GJC1: variants seen among roughly 807,000 people sequenced by gnomAD.
The protein encoded by GJC1 is gap junction gamma-1 protein.
In GJC1, 5 loss-of-function variants were observed where a neutral mutation model predicts 29.3. The observed-to-expected ratio is 0.17, with a 90% CI of 0.09 to 0.36. The LOEUF is 0.36. GJC1 is among the 10% of genes least tolerant of loss of function. The pLI is 1.00. For synonymous variants in GJC1, 177 were observed against 183.3 expected, an observed-to-expected ratio of 0.97 and a Z score of 0.28; for missense variants, 310 against 496.2, an observed-to-expected ratio of 0.62 and a Z score of 3.56.
In GJC1 at chr17:44,804,703, A is replaced by T; in HGVS notation, c.1115T>A (p.Val372Glu). ...TTTGTTGGACCCAGCTTTGGACCCC[A>T]CTTTGGCCTTCTTCTCCCGGGGACC... ...PHGPREKKAKVGSKAGSNKST... is the reference protein window; with the variant it reads ...PHGPREKKAKEGSKAGSNKST... Residue 372 changes from valine (V) to glutamate (E), a missense_variant, in exon 3 of 3, where the codon GTG (valine) becomes GAG (glutamate). Transcript: ENST00000592524. 6.2e-7 allele frequency: 1 copy of T among 1,614,092 alleles called. No homozygotes were observed. The highest frequency in any genetic ancestry group is 8.5e-7 in the Non-Finnish European group (1 of 1,180,014).
At chr17:44,818,128 A>G (rs905362709) in intron 1 of GJC1, among the ~76,000 whole-genome samples, 2 of 151,174 alleles carry the variant, frequency 1.3e-5, no homozygotes, top group African/African-American at 4.9e-5. Flanking sequence ...CTGGAGAATC[A>G]CTTGAACCCA....
At chr17:44,809,337 T>C (rs2049947139) in intron 1 of GJC1, among the ~76,000 whole-genome samples, 1 of 152,184 alleles carries the variant, frequency 6.6e-6, no homozygotes, top group African/African-American at 2.4e-5. Context: ...TCATTGAATA[T>C]ACAAGTTATA....
intron 1 of GJC1, among the ~76,000 whole-genome samples, chr17:44,817,641 G>A (rs995631173): frequency 6.6e-6 from 1 of 151,274 alleles, no homozygotes; most frequent in Non-Finnish European, 1.5e-5. Context: ...ACTCAGGAGG[G>A]GGAGGTTGTG....
At chr17:44,822,966 T>C (rs1266305578) in intron 1 of GJC1, among the ~76,000 whole-genome samples, 2 of 152,142 alleles carry the variant, frequency 1.3e-5, no homozygotes, top group African/African-American at 4.8e-5. Flanking sequence ...CAATTAGGAA[T>C]TCCAAGTCCA....
chr17:44,813,146 G>A (rs1232775910), intron 1 of GJC1: 3 of 151,638 alleles, frequency 2.0e-5, no homozygotes, highest in African/African-American at 7.3e-5. Context: ...TCAGCTGACT[G>A]TAGCCTCCGT....
intron 1 of GJC1, among the ~76,000 whole-genome samples, chr17:44,823,783 C>T (rs2050139663): frequency 1.3e-5 from 2 of 151,450 alleles, no homozygotes; most frequent in Admixed American, 1.3e-4. Flanking sequence ...ACAATCTTAG[C>T]TCACTGCAAC....
At chr17:44,818,610 G>A (rs916880528) in intron 1 of GJC1, among the ~76,000 whole-genome samples, 68 of 150,874 alleles carry the variant, frequency 4.5e-4, no homozygotes, top group African/African-American at 1.6e-3. Context: ...AGACCAGCCT[G>A]GCCAACATGG....
At chr17:44,830,738 G>C, upstream of GJC1, 1 of 398,738 alleles carries the variant, frequency 2.5e-6, no homozygotes. This position sits in a 1 kb window ranked among gnomAD's most constrained non-coding sequence, Gnocchi z 4.3. Context: ...TCTCCTCCCA[G>C]GTTCTGCTCT....
chr17:44,795,791 G>A (rs116571231), downstream of GJC1, among the ~76,000 whole-genome samples: 112 of 152,338 alleles, frequency 7.4e-4, 1 homozygote, highest in African/African-American at 2.5e-3. Context: ...GTCTATAGGC[G>A]GCTTGTGTTA....
rs1276325542 is a variant in GJC1, at chr17:44,830,221, AGCCGCTCCC to A, written c.-265_-257del. ...CGCCTCAGTCTCCAGCCGAGGCAGA[AGCCGCTCCC>A]GCCGCTGCCGCCGCCGCCGCCGCCT... On this transcript the variant is annotated 5_prime_UTR_variant, in exon 1 of 3. Transcript: ENST00000592524. This position sits in a 1 kb window ranked among gnomAD's most constrained non-coding sequence, Gnocchi z 4.3. 7.2e-3 allele frequency: 1,154 copies of A among 160,274 alleles called. 6 individuals carry two copies. The highest frequency in any genetic ancestry group is 0.016 in the Middle Eastern group (5 of 318). The allele number at this position is 160,274 out of a possible 1,614,324, so 9.9% of individuals were successfully genotyped here.
At position 44,830,246 on chromosome 17, in the gene GJC1, G is replaced by GCCGCCGCCT. The variant is rs999299797; in HGVS notation, c.-290_-282dup. ...AGCCGCTCCCGCCGCTGCCGCCGCC[G>GCCGCCGCCT]CCGCCGCCTCCCGCTCCCGCCGCCG... On this transcript the variant is annotated 5_prime_UTR_variant, in exon 1 of 3. Transcript: ENST00000592524. The surrounding 1 kb of genome is among the most constrained non-coding windows in gnomAD (Gnocchi z 4.3). 9.5e-4 allele frequency: 152 copies of GCCGCCGCCT among 160,416 alleles called. No individual in the cohort carries two copies. Among genetic ancestry groups the GCCGCCGCCT allele is most frequent in the African/African-American group, 3.5e-3 (146 of 41,330 alleles). 9.9% of individuals were successfully genotyped at this position (160,416 alleles called of 1,614,324 possible).
intron 1 of GJC1, among the ~76,000 whole-genome samples, chr17:44,810,142 G>A (rs749646095): frequency 5.3e-4 from 80 of 151,694 alleles, no homozygotes; most frequent in Non-Finnish European, 9.3e-4. Flanking sequence ...GATTACAAGC[G>A]TGAGCCACCA....
In GJC1 at chr17:44,802,026, T is replaced by A. The variant is rs981898044; in HGVS notation, c.*2601A>T. The A allele has an allele frequency of 6.6e-6, 1 of 152,226 alleles. No individual in the cohort carries two copies. Among genetic ancestry groups the A allele is most frequent in the African/African-American group, 2.4e-5 (1 of 41,450 alleles). 9.4% of individuals were successfully genotyped at this position (152,226 alleles called of 1,614,324 possible). A position where few individuals can be genotyped will look rare whatever the true frequency, so the allele number is the denominator to read the frequency against. On this transcript the variant is annotated 3_prime_UTR_variant, in exon 3 of 3. Transcript: ENST00000592524. ...AGTTAGAGCTGGAAAATTCTTGACATAATTACAACTTTAGCAAGAGAATAA... is the reference window on the plus strand; with the variant it reads ...AGTTAGAGCTGGAAAATTCTTGACAAAATTACAACTTTAGCAAGAGAATAA...
chr17:44,828,597 T>A (rs111245849), intron 1 of GJC1, among the ~76,000 whole-genome samples: 262 of 152,280 alleles, frequency 1.7e-3, no homozygotes, highest in African/African-American at 6.0e-3. Flanking sequence ...TATTGGAGCT[T>A]TTTACCTTCT....
At chr17:44,814,418 G>C (rs1460013323) in intron 1 of GJC1, among the ~76,000 whole-genome samples, 1 of 152,052 alleles carries the variant, frequency 6.6e-6, no homozygotes, top group African/African-American at 2.4e-5. Context: ...GGGATTACAG[G>C]CGTGAGCCAC....
At chr17:44,811,727 G>A (rs1030826734) in intron 1 of GJC1, among the ~76,000 whole-genome samples, 9 of 151,998 alleles carry the variant, frequency 5.9e-5, no homozygotes, top group Non-Finnish European at 8.8e-5. Flanking sequence ...AAAATAGGCC[G>A]GCGCGGTGGC....
Position 44,805,051 on chromosome 17 carries a change from C to G in GJC1, c.767G>C (p.Gly256Ala), listed in dbSNP as rs1396225958. ...ACTGTTTAGTGAGTCTCGAATGGTC[C>G]CAAACCCTAAATGAAGCATCTCCCA... ...NIWEMLHLGFGTIRDSLNSKR... is the reference protein window; with the variant it reads ...NIWEMLHLGFATIRDSLNSKR... Residue 256 changes from glycine (G) to alanine (A), a missense_variant, in exon 3 of 3, where the codon GGG (glycine) becomes GCG (alanine). Around this residue, in one of 4 missense-constraint regions of GJC1, gnomAD observed 45 missense variants for 126.2 expected, o/e 0.36. Coordinates refer to ENST00000592524, the MANE Select transcript of GJC1 (RefSeq NM_005497.4). This position sits in a 1 kb window ranked among gnomAD's most constrained non-coding sequence, Gnocchi z 5.1. 1 of 1,613,966 alleles carries G rather than the reference C, an allele frequency of 6.2e-7. No individual in the cohort carries two copies. The highest frequency in any genetic ancestry group is 8.5e-7 in the Non-Finnish European group (1 of 1,180,026).
chr17:44,809,987 C>G (rs530606245), intron 1 of GJC1, among the ~76,000 whole-genome samples: 11 of 151,494 alleles, frequency 7.3e-5, no homozygotes, highest in Non-Finnish European at 1.3e-4. Flanking sequence ...GCCTCCCGAG[C>G]AGCTGGGACA....
chr17:44,805,527 G>A lies in GJC1; in HGVS notation c.291C>T (p.His97=), dbSNP rs781344631. 1.9e-6 allele frequency: 3 copies of A among 1,614,060 alleles called. No individual in the cohort carries two copies. The African/African-American group carries it at 4.0e-5, about 22-fold the overall frequency. Residue 97 remains histidine (H), a synonymous_variant, in exon 3 of 3, where the codon CAC becomes CAT. Coordinates refer to ENST00000592524, the MANE Select transcript of GJC1 (RefSeq NM_005497.4). The surrounding 1 kb of genome is among the most constrained non-coding windows in gnomAD (Gnocchi z 5.1). The stretch of plus-strand genomic sequence containing the variant: ...CACCGTGCTCCATTTTGGCAATCTT[G>A]TGGATAGCATAGCCCAGGTACATCA... ...PSVMYLGYAI[H]KIAKMEHGEA... is the part of the protein sequence containing the mutation.
Sources: allele counts gnomAD v4.1 joint callset (sites outside exome capture counted in the v4.1 genomes callset), GRCh38; gene constraint gnomAD v4.1.1; regional missense constraint gnomAD v4.1.1; non-coding constraint Gnocchi (gnomAD v3.1); transcripts MANE v1.5; gene names NCBI Gene and HGNC (gene_info 2026-07-23, HGNC 2026-07-21).